IGSF10: variants seen among roughly 807,000 people sequenced by gnomAD.
The protein encoded by IGSF10 is calvaria mechanical force protein 608.
IGSF10 carries 126 observed loss-of-function variants against 128.2 expected under a neutral mutation model. That is an observed-to-expected ratio of 0.98 (90% CI 0.85 to 1.14). The LOEUF is 1.14. Among genes scored for constraint, IGSF10 ranks in the 50% most tolerant of loss-of-function variants. The pLI, the probability that IGSF10 is intolerant of heterozygous loss-of-function variation, is 0.00. For synonymous variants in IGSF10, 1,185 were observed against 1,146.2 expected, an observed-to-expected ratio of 1.03 and a Z score of -0.68; for missense variants, 3,295 against 3,149.8, an observed-to-expected ratio of 1.05 and a Z score of -1.10.
the IGSF10 span, among the ~76,000 whole-genome samples, chr3:151,491,111 A>C: frequency 6.6e-6 from 1 of 152,270 alleles, no homozygotes; most frequent in Admixed American, 6.5e-5. Flanking sequence ...AGCTAGTCTA[A>C]GAAAAAGAGA....
At chr3:151,557,209 A>T in the IGSF10 span, among the ~76,000 whole-genome samples, 1 of 152,178 alleles carries the variant, frequency 6.6e-6, no homozygotes, top group African/African-American at 2.4e-5. Context: ...TGACTCAAAC[A>T]AAGGCCAGAT....
the IGSF10 span, among the ~76,000 whole-genome samples, chr3:151,531,234 A>G: frequency 0.013 from 1,988 of 152,262 alleles, 19 homozygotes; most frequent in Non-Finnish European, 0.021. Context: ...CCACACAATA[A>G]CAGTGGGAGA....
At chr3:151,491,680 A>C in the IGSF10 span, among the ~76,000 whole-genome samples, 1 of 152,206 alleles carries the variant, frequency 6.6e-6, no homozygotes, top group African/African-American at 2.4e-5. Flanking sequence ...AACAAAGAAA[A>C]GCACAGGACC....
chr3:151,602,439 C>T, the IGSF10 span, among the ~76,000 whole-genome samples: 2 of 152,196 alleles, frequency 1.3e-5, no homozygotes, highest in African/African-American at 4.8e-5. Flanking sequence ...CCCAATGCTA[C>T]ATGTGTGGCC....
chr3:151,618,123 G>A, the IGSF10 span, among the ~76,000 whole-genome samples: 3 of 152,098 alleles, frequency 2.0e-5, no homozygotes, highest in Admixed American at 2.0e-4. Context: ...CCTTATTAAT[G>A]GGATCAGTGA....
chr3:151,569,645 G>A, the IGSF10 span, among the ~76,000 whole-genome samples: 1 of 152,098 alleles, frequency 6.6e-6, no homozygotes, highest in Non-Finnish European at 1.5e-5. Context: ...TCAAGGGCAG[G>A]AAATACAGAC....
chr3:151,501,529 GA>G, the IGSF10 span, among the ~76,000 whole-genome samples: 1 of 152,050 alleles, frequency 6.6e-6, no homozygotes, highest in Admixed American at 6.6e-5. Context: ...TCAGTATATG[GA>G]TTCCTTCTAA....
the IGSF10 span, among the ~76,000 whole-genome samples, chr3:151,616,700 C>A: frequency 1.3e-5 from 2 of 152,258 alleles, no homozygotes; most frequent in South Asian, 4.1e-4. Context: ...AATAAGTTAA[C>A]TGATTGATTA....
the IGSF10 span, among the ~76,000 whole-genome samples, chr3:151,481,520 C>CA: frequency 6.6e-6 from 1 of 152,240 alleles, no homozygotes; most frequent in South Asian, 2.1e-4. Flanking sequence ...CCCTCAGGGT[C>CA]AAAATCACAG....
At chr3:151,582,018 A>T in the IGSF10 span, among the ~76,000 whole-genome samples, 1 of 152,162 alleles carries the variant, frequency 6.6e-6, no homozygotes, top group Non-Finnish European at 1.5e-5. Context: ...GTGTGCCTAC[A>T]TCACACCACT....
chr3:151,452,245 T>C (rs564914834), intron 5 of IGSF10, among the ~76,000 whole-genome samples: 162 of 152,306 alleles, frequency 1.1e-3, no homozygotes, highest in African/African-American at 3.7e-3. Context: ...TTCTGAAAAA[T>C]GCATCATTAG....
chr3:151,572,631 A>G, the IGSF10 span, among the ~76,000 whole-genome samples: 1 of 151,938 alleles, frequency 6.6e-6, no homozygotes, highest in African/African-American at 2.4e-5. Flanking sequence ...TAGTCTTGCT[A>G]GTGTACTATC....
At chr3:151,442,737 T>G (rs548863265) in intron 7 of IGSF10, among the ~76,000 whole-genome samples, 2 of 152,194 alleles carry the variant, frequency 1.3e-5, no homozygotes, top group South Asian at 4.2e-4. Context: ...AAATGAGATT[T>G]TTTAATTCTG....
intron 5 of IGSF10, among the ~76,000 whole-genome samples, chr3:151,451,721 G>T (rs1208221316): frequency 6.6e-6 from 1 of 152,136 alleles, no homozygotes; most frequent in Non-Finnish European, 1.5e-5. Flanking sequence ...ATGTATTGGT[G>T]CTATGACATA....
downstream of IGSF10, chr3:151,435,501 G>A (rs1354203232): frequency 6.6e-6 from 1 of 152,000 alleles, no homozygotes; most frequent in African/African-American, 2.4e-5. Context: ...AAAACCCAAG[G>A]GCGCTATTCC....
At chr3:151,467,970 A>G in the IGSF10 span, among the ~76,000 whole-genome samples, 1 of 152,208 alleles carries the variant, frequency 6.6e-6, no homozygotes, top group African/African-American at 2.4e-5. Context: ...TTTCTGCAAA[A>G]AGTTGATTAG....
chr3:151,614,281 GA>G, the IGSF10 span, among the ~76,000 whole-genome samples: 1 of 152,128 alleles, frequency 6.6e-6, no homozygotes, highest in South Asian at 2.1e-4. Context: ...CAGGGATCTA[GA>G]ACTAGAAATA....
the IGSF10 span, among the ~76,000 whole-genome samples, chr3:151,513,119 C>T: frequency 5.4e-4 from 82 of 152,210 alleles, no homozygotes; most frequent in African/African-American, 2.0e-3. Flanking sequence ...TTTTATGAGG[C>T]CAGCATCATC....
chr3:151,549,233 T>C, the IGSF10 span, among the ~76,000 whole-genome samples: 1 of 152,112 alleles, frequency 6.6e-6, no homozygotes, highest in Non-Finnish European at 1.5e-5. Context: ...TTGGGGGAAG[T>C]CCTGGTGTCA....
Sources: gnomAD v4.1 joint callset for allele counts (sites outside exome capture counted in the v4.1 genomes callset) on GRCh38, gnomAD v4.1.1 for gene constraint, MANE v1.5 for transcripts, NCBI Gene and HGNC (gene_info 2026-07-23, HGNC 2026-07-21) for gene names.